MAGI1: variants seen among roughly 807,000 people sequenced by gnomAD.
MAGI1 encodes membrane associated guanylate kinase, WW and PDZ domain containing 1.
In MAGI1, 58 loss-of-function variants were observed where a neutral mutation model predicts 139.9. The observed-to-expected ratio is 0.41, with a 90% CI of 0.34 to 0.52. The LOEUF (loss-of-function observed/expected upper bound fraction) is 0.52, where lower values mean the gene tolerates loss of function less well. Among genes scored for constraint, MAGI1 ranks in the 20% least tolerant of loss-of-function variants. The pLI is 0.12. For missense variants in MAGI1, 1,874 were observed against 1,901.6 expected, an observed-to-expected ratio of 0.99 and a Z score of 0.27; for synonymous variants, 812 against 737.9, an observed-to-expected ratio of 1.10 and a Z score of -1.63.
chr3:65,903,071 C>T (rs557287335), intron 1 of MAGI1, among the ~76,000 whole-genome samples: 1 of 152,198 alleles, frequency 6.6e-6, no homozygotes, highest in East Asian at 1.9e-4. Flanking sequence ...TCACTGCAGC[C>T]TCAACCTCGC....
rs942062417 is a variant in MAGI1 at position 65,643,636 on chromosome 3, T to G, written c.314-21548A>C. On this transcript the variant is annotated intron_variant, in intron 1 of 22. Transcript: ENST00000402939. ...CAGAGCTGAAGAACCCAGGAATGGG[T>G]AAAAACCAAGTGGGATGAAGGAAAA... Among the ~76,000 whole-genome samples, 5 of 151,582 alleles carry G rather than the reference T, an allele frequency of 3.3e-5. No individual in the cohort carries two copies. In the East Asian group the frequency reaches 9.7e-4, roughly 29 times the overall value.
At chr3:65,550,204 G>T (rs1175533809) in intron 2 of MAGI1, among the ~76,000 whole-genome samples, 1 of 152,132 alleles carries the variant, frequency 6.6e-6, no homozygotes, top group Non-Finnish European at 1.5e-5. Context: ...TCACCCTCAA[G>T]AGACCCCAGG....
intron 5 of MAGI1, among the ~76,000 whole-genome samples, chr3:65,455,295 G>T (rs1405477026): frequency 6.6e-6 from 1 of 152,112 alleles, no homozygotes; most frequent in Non-Finnish European, 1.5e-5. Context: ...CATCACAGGG[G>T]TCCCTCACGT....
intron 1 of MAGI1, among the ~76,000 whole-genome samples, chr3:66,021,810 T>A (rs562215745): frequency 3.3e-5 from 5 of 152,242 alleles, no homozygotes; most frequent in African/African-American, 4.8e-5. Context: ...TGAGTCAGAA[T>A]CACTAATAAA....
intron 1 of MAGI1, among the ~76,000 whole-genome samples, chr3:65,828,274 G>C (rs541569111): frequency 1.3e-5 from 2 of 152,250 alleles, no homozygotes; most frequent in East Asian, 3.9e-4. Context: ...TCCAAACCTG[G>C]TGAACATCAA....
chr3:66,030,014 G>C (rs1559510359), intron 1 of MAGI1, among the ~76,000 whole-genome samples: 1 of 152,198 alleles, frequency 6.6e-6, no homozygotes, highest in Non-Finnish European at 1.5e-5. Flanking sequence ...TTCCATGCAG[G>C]GAAACCTAAA....
intron 1 of MAGI1, among the ~76,000 whole-genome samples, chr3:65,879,431 A>G (rs929167644): frequency 6.6e-6 from 1 of 152,094 alleles, no homozygotes; most frequent in Non-Finnish European, 1.5e-5. Flanking sequence ...GGTCTCTTTA[A>G]CAATTAAAGC....
chr3:65,941,179 C>T (rs1388029365), intron 1 of MAGI1, among the ~76,000 whole-genome samples: 1 of 152,012 alleles, frequency 6.6e-6, no homozygotes, highest in Non-Finnish European at 1.5e-5. Flanking sequence ...AACCCCATCT[C>T]TACTAAAAAC....
intron 1 of MAGI1, among the ~76,000 whole-genome samples, chr3:65,656,130 C>T (rs1299435740): frequency 2.6e-5 from 4 of 151,244 alleles, no homozygotes; most frequent in African/African-American, 9.7e-5. Context: ...GCAATGGGGA[C>T]AGAAAAATTA....
chr3:65,429,372 A>G lies in MAGI1; in HGVS notation c.2167+148T>C, dbSNP rs74365922. The G allele has an allele frequency of 3.2e-3, 2,491 of 786,704 alleles. 8 individuals carry two copies. The highest frequency in any genetic ancestry group is 3.4e-3 in the Non-Finnish European group (1,733 of 503,650). The allele number at this position is 786,704 out of a possible 1,614,324, so 48.7% of individuals were successfully genotyped here. On this transcript the variant is annotated intron_variant, in intron 12 of 22. Coordinates refer to ENST00000402939, the MANE Select transcript of MAGI1 (RefSeq NM_001033057.2). ...ATGTATAAACCACAATTTTTATGCT[A>G]AAGAGGTTAGTATTTGGAGAAATCA...
At chr3:65,591,662 C>A (rs2081970140) in intron 2 of MAGI1, among the ~76,000 whole-genome samples, 1 of 152,142 alleles carries the variant, frequency 6.6e-6, no homozygotes, top group African/African-American at 2.4e-5. Context: ...AAATGTCTAG[C>A]ATAATCTGTC....
At chr3:65,471,053 T>C (rs1357805344) in intron 4 of MAGI1, among the ~76,000 whole-genome samples, 2 of 152,298 alleles carry the variant, frequency 1.3e-5, no homozygotes, top group Admixed American at 6.5e-5. Flanking sequence ...GTTTAGAATA[T>C]GGAGAGAGCT....
chr3:65,853,524 G>T (rs2059277043), intron 1 of MAGI1, among the ~76,000 whole-genome samples: 1 of 152,082 alleles, frequency 6.6e-6, no homozygotes, highest in African/African-American at 2.4e-5. Context: ...CCAGCTGCTG[G>T]GAAGTTGGAA....
chr3:65,465,153 T>C (rs974785969), intron 5 of MAGI1, among the ~76,000 whole-genome samples: 6 of 151,258 alleles, frequency 4.0e-5, no homozygotes, highest in African/African-American at 1.5e-4. Flanking sequence ...TACACACATT[T>C]AGAAACATTA....
intron 1 of MAGI1, among the ~76,000 whole-genome samples, chr3:65,770,349 C>A (rs2037848273): frequency 6.6e-6 from 1 of 152,146 alleles, no homozygotes; most frequent in African/African-American, 2.4e-5. Context: ...ACCATATGTT[C>A]ATCTTTTAGT....
At chr3:65,758,011 T>C (rs1249199003) in intron 1 of MAGI1, among the ~76,000 whole-genome samples, 1 of 152,206 alleles carries the variant, frequency 6.6e-6, no homozygotes, top group African/African-American at 2.4e-5. Context: ...GACCCATTTC[T>C]GTGATGTCAC....
chr3:66,033,022 G>A (rs2068722207), intron 1 of MAGI1, among the ~76,000 whole-genome samples: 1 of 151,624 alleles, frequency 6.6e-6, no homozygotes, highest in South Asian at 2.1e-4. Flanking sequence ...TTTACTCAGG[G>A]AGCTATCTTT....
In MAGI1 at chr3:66,032,274, C is replaced by T. The variant is rs143430736; in HGVS notation, c.313+5722G>A. Among the ~76,000 whole-genome samples the T allele has an allele frequency of 7.3e-3, 1,107 of 151,918 alleles. 14 individuals carry two copies. The highest frequency in any genetic ancestry group is 0.026 in the African/African-American group (1,065 of 41,430). On this transcript the variant is annotated intron_variant, in intron 1 of 22. Coordinates refer to ENST00000402939, the MANE Select transcript of MAGI1 (RefSeq NM_001033057.2). ...TCACCCAGGCTGGAGTGCAGTGGCG[C>T]GATCTCAGCTCACTGCAACCTCAGC...
intron 2 of MAGI1, among the ~76,000 whole-genome samples, chr3:65,517,332 T>G (rs2077952203): frequency 6.6e-6 from 1 of 152,292 alleles, no homozygotes; most frequent in African/African-American, 2.4e-5. Flanking sequence ...AGCTTCCTAA[T>G]GGCTTACTGT....
Sources: allele counts gnomAD v4.1 joint callset (sites outside exome capture counted in the v4.1 genomes callset), GRCh38; gene constraint gnomAD v4.1.1; transcripts MANE v1.5; gene names NCBI Gene and HGNC (gene_info 2026-07-23, HGNC 2026-07-21).